The following HTR4 variants were observed in gnomAD, a reference collection of about 807,000 sequenced individuals.
HTR4 encodes the protein 5-hydroxytryptamine (serotonin) receptor 4, G protein-coupled.
HTR4 carries 16 observed loss-of-function variants against 36.8 expected under a neutral mutation model. That is an observed-to-expected ratio of 0.43 (90% CI 0.29 to 0.66). HTR4 has a LOEUF of 0.66. Among genes scored for constraint, HTR4 ranks in the 30% least tolerant of loss-of-function variants. The pLI is 0.13. For synonymous variants in HTR4, 189 were observed against 185.1 expected (o/e 1.02, Z -0.17); for missense variants, 438 against 490.9 (o/e 0.89, Z 1.02).
At chr5:148,647,006 T>C (rs1434238068) in intron 1 of HTR4, among the ~76,000 whole-genome samples, 1 of 152,236 alleles carries the variant, frequency 6.6e-6, no homozygotes, top group East Asian at 1.9e-4. Flanking sequence ...CCAGAATGTC[T>C]ACCAGCACTT....
At chr5:148,586,614 G>A (rs144760185) in intron 2 of HTR4, among the ~76,000 whole-genome samples, 21 of 152,158 alleles carry the variant, frequency 1.4e-4, no homozygotes, top group African/African-American at 4.8e-4. Flanking sequence ...CTCCCATCAG[G>A]TCCCTCCCTC....
chr5:148,571,036 A>G (rs1760655057), intron 2 of HTR4, among the ~76,000 whole-genome samples: 1 of 152,014 alleles, frequency 6.6e-6, no homozygotes, highest in South Asian at 2.1e-4. Context: ...TAGAGGAAGG[A>G]CAGGTTTCAC....
intron 2 of HTR4, among the ~76,000 whole-genome samples, chr5:148,632,354 C>A (rs562465099): frequency 3.8e-4 from 58 of 152,172 alleles, no homozygotes; most frequent in Non-Finnish European, 6.2e-4. Context: ...TTTCTGGTTG[C>A]TAATGAGAAA....
At position 148,588,527 on chromosome 5, in the gene HTR4, CTTTTTTTTTTTTT is replaced by C. The variant is rs35749777; in HGVS notation, c.27-38278_27-38266del. Reference sequence around the variant, plus strand: ...ATATCATTCACAGTAGGTTTTAATTCTTTTTTTTTTTTTTTTTTTTTTTTGAGATGGAGTCTCG... The same window carrying C: ...ATATCATTCACAGTAGGTTTTAATTCTTTTTTTTTTTGAGATGGAGTCTCG... On this transcript the variant is annotated intron_variant, in intron 2 of 6. Transcript: ENST00000377888. Among the ~76,000 whole-genome samples the C allele has an allele frequency of 4.1e-3, 449 of 110,168 alleles. 6 individuals are homozygous for C. The highest frequency in any genetic ancestry group is 0.015 in the African/African-American group (417 of 28,164). The allele number at this position is 110,168 out of a possible 152,430, so 72.3% of individuals were successfully genotyped here. A position where few individuals can be genotyped will look rare whatever the true frequency, so the allele number is the denominator to read the frequency against.
intron 2 of HTR4, among the ~76,000 whole-genome samples, chr5:148,586,710 GC>G (rs1457479817): frequency 6.6e-6 from 1 of 152,156 alleles, no homozygotes; most frequent in Non-Finnish European, 1.5e-5. Flanking sequence ...TTGAGTACTT[GC>G]CTTGAGATCT....
Position 148,537,114 on chromosome 5 carries a change from T to TA in HTR4, c.353+11553dup, listed in dbSNP as rs1561604350. Among the ~76,000 whole-genome samples the TA allele has an allele frequency of 2.0e-5, 3 of 152,054 alleles. No individual in the cohort carries two copies. The South Asian group carries it at 6.2e-4, about 32-fold the overall frequency. On this transcript the variant is annotated intron_variant, in intron 4 of 6. Transcript: ENST00000377888. ...CAAAGTCATGCAATTACATGGAAAT[T>TA]AAAAAATATGCTCCTGAATGATGTG...
At chr5:148,583,263 C>G (rs929023921) in intron 2 of HTR4, among the ~76,000 whole-genome samples, 1 of 145,740 alleles carries the variant, frequency 6.9e-6, no homozygotes, top group Admixed American at 7.0e-5. Flanking sequence ...ATTGAACCAG[C>G]CTTGCATCCC....
chr5:148,452,646 TG>T (rs1755001035), intron 5 of HTR4, among the ~76,000 whole-genome samples: 1 of 152,126 alleles, frequency 6.6e-6, no homozygotes, highest in Non-Finnish European at 1.5e-5. Context: ...AAGCAGGTGT[TG>T]ATTGAAGAAC....
At chr5:148,620,775 T>C (rs1328046057) in intron 2 of HTR4, among the ~76,000 whole-genome samples, 1 of 152,184 alleles carries the variant, frequency 6.6e-6, no homozygotes, top group Non-Finnish European at 1.5e-5. Context: ...AAAGTCCCTT[T>C]TCTGTCTCTC....
At chr5:148,633,065 A>C (rs919329187) in intron 2 of HTR4, among the ~76,000 whole-genome samples, 2 of 152,126 alleles carry the variant, frequency 1.3e-5, no homozygotes, top group Non-Finnish European at 2.9e-5. Flanking sequence ...AAACAGACCA[A>C]TAAAACAGAT....
At chr5:148,552,958 T>C (rs952395619) in intron 2 of HTR4, among the ~76,000 whole-genome samples, 2 of 152,176 alleles carry the variant, frequency 1.3e-5, no homozygotes, top group African/African-American at 4.8e-5. Flanking sequence ...TGGTTGAAAG[T>C]ATAGAGATTT....
chr5:148,562,246 A>G (rs1028168430), intron 2 of HTR4, among the ~76,000 whole-genome samples: 4 of 152,150 alleles, frequency 2.6e-5, no homozygotes, highest in Non-Finnish European at 5.9e-5. Flanking sequence ...GCCCGAAGAG[A>G]AACTTTACTC....
chr5:148,555,977 C>G (rs1352276622), intron 2 of HTR4, among the ~76,000 whole-genome samples: 1 of 152,110 alleles, frequency 6.6e-6, no homozygotes, highest in African/African-American at 2.4e-5. Flanking sequence ...CACACTCTCT[C>G]TCTCTCTCTC....
At chr5:148,585,324 C>T (rs749026318) in intron 2 of HTR4, among the ~76,000 whole-genome samples, 6 of 152,174 alleles carry the variant, frequency 3.9e-5, no homozygotes, top group Non-Finnish European at 5.9e-5. Context: ...ATTACACTCA[C>T]AACTTTATAT....
chr5:148,532,200 C>T (rs763066362), intron 4 of HTR4, among the ~76,000 whole-genome samples: 8 of 152,110 alleles, frequency 5.3e-5, no homozygotes, highest in East Asian at 1.9e-4. Flanking sequence ...CACTGCATTG[C>T]CTTCCACTTT....
rs888487026 is a variant in HTR4 at position 148,592,049 on chromosome 5, C to T, written c.27-41787G>A. Reference sequence around the variant, plus strand: ...TACAGATACTCCATGGAATACTGTGCAGCCACGTAAAAGAATGAGATCGTG... The same window carrying T: ...TACAGATACTCCATGGAATACTGTGTAGCCACGTAAAAGAATGAGATCGTG... On this transcript the variant is annotated intron_variant, in intron 2 of 6. Coordinates refer to ENST00000377888, the MANE Select transcript of HTR4 (RefSeq NM_000870.7). Among the ~76,000 whole-genome samples, 4 of 152,278 alleles carry T rather than the reference C, an allele frequency of 2.6e-5. No individual in the cohort carries two copies. The South Asian group carries it at 6.2e-4, about 24-fold the overall frequency.
chr5:148,610,688 A>C (rs1354583646), intron 2 of HTR4, among the ~76,000 whole-genome samples: 2 of 151,932 alleles, frequency 1.3e-5, no homozygotes, highest in Non-Finnish European at 2.9e-5. Flanking sequence ...AATGACTTTG[A>C]TGAGCTGAGA....
intron 2 of HTR4, among the ~76,000 whole-genome samples, chr5:148,552,507 T>A (rs1262834189): frequency 1.3e-5 from 2 of 152,234 alleles, no homozygotes; most frequent in Admixed American, 6.5e-5. Context: ...TCTTAGAGAC[T>A]AACGGCCCCC....
rs201864103 is a variant in HTR4 at position 148,509,987 on chromosome 5, G to C, written c.545C>G (p.Thr182Arg). The C allele has an allele frequency of 6.2e-7, 1 of 1,613,484 alleles. No individual in the cohort carries two copies. The highest frequency in any genetic ancestry group is 8.5e-7 in the Non-Finnish European group (1 of 1,179,782). ...CTTGTTGACCATGAAGACACAGTAC[G>C]TAGAGTTAGAGTTCTGGTTGAACTT... ...KRKFNQNSNS[T>R]YCVFMVNKPY... Residue 182 changes from threonine (T) to arginine (R), a missense_variant, in exon 6 of 7, where the codon ACG (threonine) becomes AGG (arginine). Thr to Arg is a moderately conservative substitution (Grantham distance 71, BLOSUM62 -1). Transcript: ENST00000377888.
Sources: gnomAD v4.1 joint callset for allele counts (sites outside exome capture counted in the v4.1 genomes callset) on GRCh38, gnomAD v4.1.1 for gene constraint, MANE v1.5 for transcripts, NCBI Gene and HGNC (gene_info 2026-07-23, HGNC 2026-07-21) for gene names.